The following COL10A1 variants were observed in gnomAD, a reference collection of about 807,000 sequenced individuals.
The protein encoded by COL10A1 is collagen alpha-1(X) chain.
In COL10A1, 10 loss-of-function variants were observed where a neutral mutation model predicts 18.2. That is an observed-to-expected ratio of 0.55 (90% CI 0.34 to 0.93). COL10A1 has a LOEUF of 0.93. Among genes scored for constraint, COL10A1 ranks in the 40% least tolerant of loss-of-function variants. The pLI, the probability that COL10A1 is intolerant of heterozygous loss-of-function variation, is 0.02. For synonymous variants in COL10A1, 330 were observed against 316.6 expected (o/e 1.04, Z -0.45); for missense variants, 897 against 853.5 (o/e 1.05, Z -0.64).
At chr6:116,130,360 A>G (rs191922524), upstream of COL10A1, among the ~76,000 whole-genome samples, 911 of 152,034 alleles carry the variant, frequency 6.0e-3, 4 homozygotes, top group Non-Finnish European at 7.0e-3. Context: ...TAATCTTACT[A>G]TTGTTCAGAA....
chr6:116,203,073 G>T, the COL10A1 span, among the ~76,000 whole-genome samples: 1 of 151,878 alleles, frequency 6.6e-6, no homozygotes, highest in South Asian at 2.1e-4. Context: ...CATTTTTATG[G>T]TAGGACACAG....
At chr6:116,203,658 G>A in the COL10A1 span, among the ~76,000 whole-genome samples, 1 of 151,814 alleles carries the variant, frequency 6.6e-6, no homozygotes, top group Admixed American at 6.6e-5. Context: ...ATTGGGGACT[G>A]TTATAAATAA....
chr6:116,126,784 T>C (rs1280994347), upstream of COL10A1, among the ~76,000 whole-genome samples: 1 of 152,196 alleles, frequency 6.6e-6, no homozygotes, highest in Non-Finnish European at 1.5e-5. Context: ...TCTCATATTA[T>C]GTTAATTTAC....
intron 1 of COL10A1, among the ~76,000 whole-genome samples, chr6:116,158,133 T>G (rs779164874): frequency 2.6e-5 from 4 of 152,212 alleles, no homozygotes; most frequent in Non-Finnish European, 5.9e-5. Flanking sequence ...ATATAATGAG[T>G]TCAAATTACT....
chr6:116,159,681 T>C (rs1780283595), upstream of COL10A1, among the ~76,000 whole-genome samples: 1 of 152,206 alleles, frequency 6.6e-6, no homozygotes, highest in South Asian at 2.1e-4. Context: ...TTAACGTGGG[T>C]ATATTGCATA....
At chr6:116,204,301 C>T in the COL10A1 span, among the ~76,000 whole-genome samples, 2 of 151,908 alleles carry the variant, frequency 1.3e-5, no homozygotes, top group African/African-American at 4.8e-5. Flanking sequence ...TTGGTAATTA[C>T]TTCATTCTCA....
the COL10A1 span, among the ~76,000 whole-genome samples, chr6:116,202,293 A>G: frequency 1.3e-5 from 2 of 151,940 alleles, no homozygotes; most frequent in Non-Finnish European, 2.9e-5. Flanking sequence ...TATGCTTAGC[A>G]TGGTTGGAAT....
chr6:116,161,626 A>G (rs1001235408), upstream of COL10A1, among the ~76,000 whole-genome samples: 1 of 152,202 alleles, frequency 6.6e-6, no homozygotes, highest in East Asian at 1.9e-4. Flanking sequence ...TTTTGGTTAC[A>G]TTAGACTTGT....
the COL10A1 span, among the ~76,000 whole-genome samples, chr6:116,204,957 T>C: frequency 1.3e-5 from 2 of 151,988 alleles, no homozygotes; most frequent in Admixed American, 6.6e-5. Context: ...AAAATACATG[T>C]ATATGTGTGT....
At chr6:116,215,779 C>T in the COL10A1 span, among the ~76,000 whole-genome samples, 3 of 152,044 alleles carry the variant, frequency 2.0e-5, no homozygotes, top group Admixed American at 6.6e-5. Context: ...GACAATATGG[C>T]GTGGTGGGAT....
At chr6:116,123,131 A>T (rs1779186294) in intron 2 of COL10A1, among the ~76,000 whole-genome samples, 2 of 152,182 alleles carry the variant, frequency 1.3e-5, no homozygotes, top group Admixed American at 1.3e-4. Context: ...TTAGAATCTG[A>T]TTATAAGGGT....
the COL10A1 span, among the ~76,000 whole-genome samples, chr6:116,188,098 A>G: frequency 1.3e-5 from 2 of 152,178 alleles, no homozygotes; most frequent in South Asian, 2.1e-4. Context: ...AAATGTGCTT[A>G]TGCTTATTAA....
upstream of COL10A1, among the ~76,000 whole-genome samples, chr6:116,161,623 T>C (rs1404076517): frequency 6.6e-6 from 1 of 152,198 alleles, no homozygotes; most frequent in African/African-American, 2.4e-5. Flanking sequence ...CTGTTTTGGT[T>C]ACATTAGACT....
At chr6:116,141,382 G>C (rs1488412200) in intron 1 of COL10A1, among the ~76,000 whole-genome samples, 1 of 151,794 alleles carries the variant, frequency 6.6e-6, no homozygotes, top group Non-Finnish European at 1.5e-5. Context: ...TCTCTCTAGG[G>C]CATCTTATGT....
At chr6:116,215,336 G>A in the COL10A1 span, among the ~76,000 whole-genome samples, 2 of 152,024 alleles carry the variant, frequency 1.3e-5, no homozygotes, top group African/African-American at 4.8e-5. Context: ...ATTTTACTTT[G>A]TCTATACTGT....
intron 1 of COL10A1, among the ~76,000 whole-genome samples, chr6:116,142,573 C>T (rs1779794529): frequency 6.6e-6 from 1 of 151,722 alleles, no homozygotes; most frequent in East Asian, 1.9e-4. Context: ...ACTTAATTTA[C>T]AGTGTGTGGT....
At chr6:116,182,841 C>G in the COL10A1 span, among the ~76,000 whole-genome samples, 1 of 151,930 alleles carries the variant, frequency 6.6e-6, no homozygotes. Context: ...TGTGGGTTGT[C>G]TGTTTACTCT....
chr6:116,176,402 G>A, the COL10A1 span, among the ~76,000 whole-genome samples: 2 of 152,184 alleles, frequency 1.3e-5, no homozygotes, highest in African/African-American at 2.4e-5. Context: ...TTCTGGCTCA[G>A]TCTCAGCCTT....
chr6:116,209,831 T>C, the COL10A1 span, among the ~76,000 whole-genome samples: 2 of 152,024 alleles, frequency 1.3e-5, no homozygotes, highest in Non-Finnish European at 2.9e-5. Context: ...AATAATTATA[T>C]AGCTAAACAG....
Sources: gnomAD v4.1 joint callset for allele counts (sites outside exome capture counted in the v4.1 genomes callset) on GRCh38, gnomAD v4.1.1 for gene constraint, MANE v1.5 for transcripts, NCBI Gene and HGNC (gene_info 2026-07-23, HGNC 2026-07-21) for gene names.